The following MAD1L1 variants were observed in gnomAD, a reference collection of about 807,000 sequenced individuals.
The protein encoded by MAD1L1 is mitotic arrest deficient 1 like 1.
A neutral mutation model predicts 96.9 loss-of-function variants in MAD1L1; 95 were observed. The ratio of observed to expected loss-of-function variants is 0.98; its 90% CI spans 0.83 to 1.16. MAD1L1 has a LOEUF of 1.16. MAD1L1 is among the 50% of genes most tolerant of loss of function. The probability of loss-of-function intolerance (pLI) is 0.00; values close to 1 mark genes in which losing one functional copy is unlikely to be tolerated. For missense variants in MAD1L1, 1,007 were observed against 954.4 expected, an observed-to-expected ratio of 1.06 and a Z score of -0.73; for synonymous variants, 473 against 396.6, an observed-to-expected ratio of 1.19 and a Z score of -2.29.
intron 13 of MAD1L1, among the ~76,000 whole-genome samples, chr7:2,013,812 G>A (rs1782409145): frequency 6.6e-6 from 1 of 151,412 alleles, no homozygotes; most frequent in Non-Finnish European, 1.5e-5. Context: ...TGGATGGGGA[G>A]TGTGGACGTG....
intron 17 of MAD1L1, among the ~76,000 whole-genome samples, chr7:1,914,757 G>T (rs1788264323): frequency 6.6e-6 from 1 of 150,756 alleles, no homozygotes; most frequent in African/African-American, 2.4e-5. Context: ...GGGATTACAG[G>T]CAGGTGCTAC....
intron 11 of MAD1L1, among the ~76,000 whole-genome samples, chr7:2,100,113 A>G (rs530504006): frequency 6.6e-6 from 1 of 152,336 alleles, no homozygotes; most frequent in South Asian, 2.1e-4. Flanking sequence ...GGTGAGAAGC[A>G]AATCCCAGGC....
chr7:2,063,207 G>C (rs1784738581), intron 12 of MAD1L1, among the ~76,000 whole-genome samples: 4 of 152,190 alleles, frequency 2.6e-5, no homozygotes, highest in Non-Finnish European at 1.5e-5. Flanking sequence ...CACGAGAACA[G>C]TGAAAAGAAA....
intron 10 of MAD1L1, among the ~76,000 whole-genome samples, chr7:2,156,260 G>A (rs1372910642): frequency 2.7e-5 from 4 of 150,208 alleles, no homozygotes; most frequent in African/African-American, 9.9e-5. Flanking sequence ...CACGGCGCGT[G>A]TGGCGAGGGG....
At chr7:1,906,196 G>T (rs570694603) in intron 17 of MAD1L1, among the ~76,000 whole-genome samples, 2 of 152,116 alleles carry the variant, frequency 1.3e-5, no homozygotes, top group Non-Finnish European at 2.9e-5. Context: ...AGGAAGAGAC[G>T]CCAGCCCTGG....
In MAD1L1 at chr7:2,207,235, C is replaced by A. The variant is rs529088763; in HGVS notation, c.986+5977G>T. On this transcript the variant is annotated intron_variant, in intron 10 of 18. Transcript: ENST00000265854. ...ACGACCACAGTACCTTTACGATACT[C>A]TGAAATATATATTTGGTCTTTCTGT... Among the ~76,000 whole-genome samples the A allele has an allele frequency of 7.2e-5, 11 of 152,244 alleles. 1 individual carries two copies. The South Asian group carries it at 2.3e-3, about 32-fold the overall frequency.
intron 18 of MAD1L1, among the ~76,000 whole-genome samples, chr7:1,879,930 C>G (rs957473590): frequency 5.3e-5 from 8 of 152,162 alleles, no homozygotes; most frequent in Non-Finnish European, 1.0e-4. Context: ...CGGGATTTCA[C>G]TCTGTTAGCC....
chr7:1,980,634 A>G (rs1473511706), intron 14 of MAD1L1, 93 bp from the exon 15 acceptor site: 14 of 982,310 alleles, frequency 1.4e-5, no homozygotes, highest in Non-Finnish European at 2.1e-5. Context: ...CACCCCTGGC[A>G]GCACCCCCGC....
intron 11 of MAD1L1, among the ~76,000 whole-genome samples, chr7:2,115,859 A>G (rs1448370751): frequency 6.6e-6 from 1 of 152,210 alleles, no homozygotes. Flanking sequence ...CTGCGGGAAG[A>G]AGCTCTCAGA....
At chr7:1,980,079 G>C (rs975136222) in intron 15 of MAD1L1, among the ~76,000 whole-genome samples, 1 of 152,230 alleles carries the variant, frequency 6.6e-6, no homozygotes, top group Non-Finnish European at 1.5e-5. Context: ...GCCACCCACG[G>C]GGGAGCACAC....
intron 12 of MAD1L1, among the ~76,000 whole-genome samples, chr7:2,057,971 G>C (rs574532405): frequency 6.6e-6 from 1 of 150,982 alleles, no homozygotes; most frequent in Non-Finnish European, 1.5e-5. Flanking sequence ...GGCCGGAGAG[G>C]GAGTGTGGCC....
At chr7:1,981,588 C>T (rs1780910134) in intron 14 of MAD1L1, among the ~76,000 whole-genome samples, 1 of 152,144 alleles carries the variant, frequency 6.6e-6, no homozygotes, top group Non-Finnish European at 1.5e-5. Context: ...TCCTGACCCA[C>T]TCCAAAGCCC....
chr7:1,856,309 G>A (rs1321177210), intron 18 of MAD1L1, among the ~76,000 whole-genome samples: 1 of 152,218 alleles, frequency 6.6e-6, no homozygotes, highest in African/African-American at 2.4e-5. Context: ...CTTCGGTTCT[G>A]GCTGAAGACG....
intron 18 of MAD1L1, among the ~76,000 whole-genome samples, chr7:1,831,055 G>A (rs1782678513): frequency 6.6e-6 from 1 of 152,288 alleles, no homozygotes. Flanking sequence ...GATACAGCGT[G>A]CTCACAGAAG....
At chr7:2,077,231 C>T (rs1248188894) in intron 11 of MAD1L1, among the ~76,000 whole-genome samples, 1 of 152,160 alleles carries the variant, frequency 6.6e-6, no homozygotes, top group Non-Finnish European at 1.5e-5. Context: ...TGGCATGAAA[C>T]TAGGAAAATA....
At chr7:2,145,525 CTA>C (rs1341287228) in intron 11 of MAD1L1, among the ~76,000 whole-genome samples, 1 of 152,260 alleles carries the variant, frequency 6.6e-6, no homozygotes. Flanking sequence ...GGGGTCAAAA[CTA>C]TAGCTCAATG....
chr7:2,091,846 G>T (rs1052332936), intron 11 of MAD1L1, among the ~76,000 whole-genome samples: 2 of 152,138 alleles, frequency 1.3e-5, no homozygotes, highest in African/African-American at 4.8e-5. Flanking sequence ...CACTGAACAG[G>T]ATTCCATTGC....
intron 10 of MAD1L1, among the ~76,000 whole-genome samples, chr7:2,190,942 A>G (rs1401365164): frequency 6.6e-6 from 1 of 152,160 alleles, no homozygotes; most frequent in Non-Finnish European, 1.5e-5. Context: ...AAAACATACC[A>G]TATCACCCAG....
At chr7:1,880,587 C>T (rs747849231) in intron 18 of MAD1L1, among the ~76,000 whole-genome samples, 3 of 152,234 alleles carry the variant, frequency 2.0e-5, no homozygotes, top group Non-Finnish European at 1.5e-5. Context: ...ATTTGGCAAA[C>T]AGTGTAGTTC....
Sources: gnomAD v4.1 joint callset for allele counts (sites outside exome capture counted in the v4.1 genomes callset) on GRCh38, gnomAD v4.1.1 for gene constraint, MANE v1.5 for transcripts, NCBI Gene and HGNC (gene_info 2026-07-23, HGNC 2026-07-21) for gene names.